The following MICAL2 variants were observed in gnomAD, a reference collection of about 807,000 sequenced individuals.
MICAL2 encodes [F-actin]-monooxygenase MICAL2.
In MICAL2, 77 loss-of-function variants were observed where a neutral mutation model predicts 127.3. The ratio of observed to expected loss-of-function variants is 0.60; its 90% CI spans 0.50 to 0.73. MICAL2 has a LOEUF of 0.73. Among genes scored for constraint, MICAL2 ranks in the 30% least tolerant of loss-of-function variants. MICAL2 has a pLI of 0.00. For synonymous variants in MICAL2, 570 were observed against 551.1 expected, an observed-to-expected ratio of 1.03 and a Z score of -0.48; for missense variants, 1,351 against 1,434.4, an observed-to-expected ratio of 0.94 and a Z score of 0.94.
At chr11:12,312,251 A>G (rs935402187) in intron 29 of MICAL2, among the ~76,000 whole-genome samples, 32 of 149,658 alleles carry the variant, frequency 2.1e-4, no homozygotes, top group Non-Finnish European at 4.3e-4. Context: ...TCTTATCTTG[A>G]TTATTTGCTT....
intron 2 of MICAL2, among the ~76,000 whole-genome samples, chr11:12,158,853 GTT>G (rs1854472204): frequency 1.3e-5 from 2 of 152,220 alleles, no homozygotes; most frequent in Non-Finnish European, 2.9e-5. Context: ...ACTAGCAAGT[GTT>G]GAGAGCAGAT....
chr11:12,285,438 T>TA (rs1863814383), intron 2 of MICAL2, among the ~76,000 whole-genome samples: 8 of 152,168 alleles, frequency 5.3e-5, no homozygotes, highest in Admixed American at 3.9e-4. Flanking sequence ...GGAAGGGGGT[T>TA]TGTCTGGGGA....
At chr11:12,228,071 G>A (rs1482701561) in intron 15 of MICAL2, among the ~76,000 whole-genome samples, 1 of 152,234 alleles carries the variant, frequency 6.6e-6, no homozygotes, top group Non-Finnish European at 1.5e-5. Context: ...GCTCACGCCT[G>A]TAATCCCAGC....
chr11:12,199,742 C>T (rs550327138), intron 3 of MICAL2, among the ~76,000 whole-genome samples: 5 of 152,210 alleles, frequency 3.3e-5, no homozygotes, highest in Admixed American at 6.5e-5. Context: ...ACCATCCCCC[C>T]ATCCTGACCC....
At chr11:12,216,373 C>A in intron 8 of MICAL2, 54 bp downstream of exon 8, 1 of 1,385,918 alleles carries the variant, frequency 7.2e-7, no homozygotes, top group Admixed American at 1.7e-5. Flanking sequence ...CTGGTGACAT[C>A]AGCAGGTGTG....
At position 12,232,907 on chromosome 11, in the gene MICAL2, C is replaced by T. The variant is rs377447978; in HGVS notation, c.1996-3270C>T. ...AGAAACAATTCAGTTTTAGATTGCA[C>T]ACCATTCTGAGTAGCATGATGAAAT... On this transcript the variant is annotated intron_variant, in intron 15 of 27. Coordinates refer to ENST00000683283, the MANE Select transcript of MICAL2 (RefSeq NM_001282663.2). Among the ~76,000 whole-genome samples, 20 of 152,266 alleles carry T rather than the reference C, an allele frequency of 1.3e-4. No individual in the cohort carries two copies. The South Asian group carries it at 3.9e-3, about 30-fold the overall frequency.
intron 30 of MICAL2, among the ~76,000 whole-genome samples, chr11:12,321,233 A>G (rs972437913): frequency 6.6e-6 from 1 of 152,024 alleles, no homozygotes; most frequent in African/African-American, 2.4e-5. Context: ...GACCTGGCCC[A>G]CTCTTACACT....
intron 2 of MICAL2, among the ~76,000 whole-genome samples, chr11:12,285,091 G>A (rs1234003187): frequency 6.6e-6 from 1 of 152,172 alleles, no homozygotes; most frequent in African/African-American, 2.4e-5. Context: ...TTGTTGAGAA[G>A]GGGTTCGGAA....
chr11:12,293,648 G>C, downstream of MICAL2: 1 of 1,614,116 alleles, frequency 6.2e-7, no homozygotes. Context: ...CGTAGCCCAA[G>C]GAGCACCCAG....
intron 20 of MICAL2, 130 bp from the exon 21 acceptor site, chr11:12,243,857 T>C (rs927593876): frequency 5.6e-5 from 61 of 1,091,418 alleles, no homozygotes; most frequent in Non-Finnish European, 2.7e-6. Flanking sequence ...GTTTCTGTGT[T>C]GTCCTGAGAC....
intron 32 of MICAL2, among the ~76,000 whole-genome samples, chr11:12,348,927 GCC>G (rs386750786): frequency 0.024 from 3,696 of 152,250 alleles, 134 homozygotes; most frequent in Admixed American, 0.095. Flanking sequence ...TTATTGTATT[GCC>G]TGTGTGTCTT....
At chr11:12,318,670 C>T (rs569071483) in intron 29 of MICAL2, among the ~76,000 whole-genome samples, 98 of 152,290 alleles carry the variant, frequency 6.4e-4, no homozygotes, top group Non-Finnish European at 1.1e-3. Flanking sequence ...TAGTAAATTT[C>T]GTATCGTGGA....
intron 29 of MICAL2, among the ~76,000 whole-genome samples, chr11:12,314,526 T>C (rs1165247286): frequency 6.6e-6 from 1 of 152,016 alleles, no homozygotes; most frequent in Non-Finnish European, 1.5e-5. Flanking sequence ...TCACCCAGGC[T>C]GGAGTGCAGT....
intron 1 of MICAL2, among the ~76,000 whole-genome samples, chr11:12,111,156 T>C (rs978973752): frequency 2.0e-5 from 3 of 152,220 alleles, no homozygotes. Context: ...GTTCCAGCTC[T>C]TCACTGGGCG....
intron 1 of MICAL2, among the ~76,000 whole-genome samples, chr11:12,136,640 C>A (rs1321387231): frequency 6.6e-6 from 1 of 152,144 alleles, no homozygotes; most frequent in East Asian, 1.9e-4. Context: ...CCCTCAAAGG[C>A]CAGAAGGTAT....
intron 33 of MICAL2, among the ~76,000 whole-genome samples, chr11:12,354,622 C>T (rs956992704): frequency 1.3e-5 from 2 of 152,080 alleles, no homozygotes; most frequent in Admixed American, 6.5e-5. Context: ...GACAAAGACT[C>T]GGTCTCAGAA....
chr11:12,217,575 C>G (rs1222615369), intron 8 of MICAL2, among the ~76,000 whole-genome samples: 1 of 152,028 alleles, frequency 6.6e-6, no homozygotes, highest in Non-Finnish European at 1.5e-5. Flanking sequence ...CTGGGGGGTG[C>G]AGGGGTGTAG....
At chr11:12,202,441 A>C (rs1391700025) in intron 3 of MICAL2, among the ~76,000 whole-genome samples, 1 of 152,214 alleles carries the variant, frequency 6.6e-6, no homozygotes, top group Non-Finnish European at 1.5e-5. Flanking sequence ...TGAAAGGGGC[A>C]CCATAATAGT....
At chr11:12,311,684 G>T (rs1051767899) in intron 29 of MICAL2, among the ~76,000 whole-genome samples, 1 of 152,234 alleles carries the variant, frequency 6.6e-6, no homozygotes, top group African/African-American at 2.4e-5. Context: ...GGGATTACAG[G>T]TGTGAGGCAC....
Sources: gnomAD v4.1 joint callset for allele counts (sites outside exome capture counted in the v4.1 genomes callset) on GRCh38, gnomAD v4.1.1 for gene constraint, MANE v1.5 for transcripts, NCBI Gene and HGNC (gene_info 2026-07-23, HGNC 2026-07-21) for gene names.